Variants in PIGN observed in about 807,000 individuals in gnomAD.
PIGN encodes GPI ethanolamine phosphate transferase 1.
In PIGN, 117 loss-of-function variants were observed where a neutral mutation model predicts 125.4. The ratio of observed to expected loss-of-function variants is 0.93; its 90% CI spans 0.80 to 1.09. The LOEUF (loss-of-function observed/expected upper bound fraction) is 1.09. Among genes scored for constraint, PIGN ranks in the 50% least tolerant of loss-of-function variants. The probability of loss-of-function intolerance (pLI) is 0.00; values close to 1 mark genes in which losing one functional copy is unlikely to be tolerated. For synonymous variants in PIGN, 392 were observed against 377.8 expected, an observed-to-expected ratio of 1.04 and a Z score of -0.44; for missense variants, 1,075 against 1,094.9, an observed-to-expected ratio of 0.98 and a Z score of 0.26.
At chr18:62,058,774 G>T (rs1471519407) in intron 30 of PIGN, 1 of 152,146 alleles carries the variant, frequency 6.6e-6, no homozygotes, top group East Asian at 1.9e-4. Flanking sequence ...TACAAATTAT[G>T]CTAGGTTTAG....
chr18:62,107,138 T>C, intron 17 of PIGN, 53 bp from the exon 18 acceptor site: 1 of 1,111,664 alleles, frequency 9.0e-7, no homozygotes. Flanking sequence ...ATACATAGTA[T>C]AACAATACAA....
chr18:62,052,479 T>C (rs1162894349), intron 30 of PIGN: 1 of 147,270 alleles, frequency 6.8e-6, no homozygotes, highest in Non-Finnish European at 1.5e-5. Context: ...TCTCTTTTGA[T>C]CTTTGTTGGT....
intron 14 of PIGN, among the ~76,000 whole-genome samples, chr18:62,130,607 T>A (rs1366400417): frequency 1.3e-5 from 2 of 152,150 alleles, no homozygotes; most frequent in African/African-American, 4.8e-5. Context: ...TACTATTCAT[T>A]TTTTTAATGG....
At chr18:62,159,712 A>G (rs2036872389) in intron 4 of PIGN, among the ~76,000 whole-genome samples, 1 of 152,186 alleles carries the variant, frequency 6.6e-6, no homozygotes, top group Non-Finnish European at 1.5e-5. Flanking sequence ...CCATTCTTCT[A>G]GCTGTCAACA....
intron 27 of PIGN, among the ~76,000 whole-genome samples, chr18:62,083,084 A>C (rs981466675): frequency 6.6e-6 from 1 of 152,132 alleles, no homozygotes; most frequent in Non-Finnish European, 1.5e-5. Context: ...TGTGAAAAGC[A>C]CAGAATGCCC....
intron 14 of PIGN, among the ~76,000 whole-genome samples, chr18:62,124,054 G>A (rs74355033): frequency 0.067 from 10,134 of 152,122 alleles, 623 homozygotes; most frequent in African/African-American, 0.16. Flanking sequence ...TTTCACAAAG[G>A]TGTTATGACA....
intron 14 of PIGN, among the ~76,000 whole-genome samples, chr18:62,132,008 C>CAA (rs78263022): frequency 4.7e-5 from 7 of 150,470 alleles, no homozygotes; most frequent in East Asian, 1.9e-4. Context: ...TTTCTAAGAA[C>CAA]AAAAAAAAAT....
intron 1 of PIGN, among the ~76,000 whole-genome samples, chr18:62,184,261 G>A (rs1022005947): frequency 2.0e-5 from 3 of 152,002 alleles, no homozygotes; most frequent in East Asian, 1.9e-4. Flanking sequence ...AATGATTGAC[G>A]TGCTTTGAAA....
At chr18:62,082,610 A>G (rs1018038993) in intron 28 of PIGN, 63 bp downstream of exon 28, 8 of 855,386 alleles carry the variant, frequency 9.4e-6, no homozygotes, top group East Asian at 2.7e-5. Flanking sequence ...AATGTCTTCG[A>G]AAGTTTACTC....
downstream of PIGN, among the ~76,000 whole-genome samples, chr18:62,039,687 G>A (rs1409081093): frequency 8.6e-6 from 1 of 116,848 alleles, no homozygotes; most frequent in Admixed American, 8.2e-5. Flanking sequence ...CCCATCCAGG[G>A]TGCCGCACCC....
Position 62,114,631 on chromosome 18 carries a change from G to A in PIGN, c.1181C>T (p.Ser394Phe), listed in dbSNP as rs1483113980. 6.8e-7 allele frequency: 1 copy of A among 1,477,448 alleles called. No individual in the cohort carries two copies. The highest frequency in any genetic ancestry group is 1.2e-5 in the South Asian group (1 of 81,638). The allele number at this position is 1,477,448 out of a possible 1,614,324, so 91.5% of individuals were successfully genotyped here. A position where few individuals can be genotyped will look rare whatever the true frequency, so the allele number is the denominator to read the frequency against. ...PFLFTPFKLL[S>F]DSKQFNILRK... ...TAAAATGTTGAACTGTTTGGAATCA[G>A]AAAGCAGTCTATATATAAAAAAAAG... Residue 394 changes from serine to phenylalanine, a missense_variant, in exon 15 of 31, where the codon TCT becomes TTT. Physicochemically the swap from Ser to Phe is radical, Grantham distance 155. Around this residue, in one of 3 missense-constraint regions of PIGN, gnomAD observed 915 missense variants for 908.7 expected, o/e 1.01. Transcript: ENST00000640252.
chr18:62,144,040 A>G (rs2036231890), intron 10 of PIGN, among the ~76,000 whole-genome samples: 1 of 152,200 alleles, frequency 6.6e-6, no homozygotes, highest in African/African-American at 2.4e-5. Flanking sequence ...TTAAAGTTTA[A>G]AAATACGTTT....
intron 30 of PIGN, among the ~76,000 whole-genome samples, chr18:62,064,920 TAA>T (rs34675492): frequency 1.3e-5 from 2 of 150,200 alleles, no homozygotes. Context: ...TTGACACTTC[TAA>T]AAAAAAAAAC....
chr18:62,091,276 C>G (rs1382908842), intron 23 of PIGN, among the ~76,000 whole-genome samples: 1 of 152,052 alleles, frequency 6.6e-6, no homozygotes, highest in East Asian at 1.9e-4. Flanking sequence ...ACCCGGGAGG[C>G]AGAGGTTGCA....
Position 62,157,768 on chromosome 18 carries a change from T to G in PIGN, c.262A>C (p.Thr88Pro). Residue 88 changes from threonine to proline, a missense_variant, in exon 5 of 31, where the codon ACA (threonine) becomes CCA (proline). Thr to Pro is a conservative substitution (Grantham distance 38, BLOSUM62 -1). Transcript: ENST00000640252. ...MHEGSWGISH[T>P]RVPTESRPGH... Reference sequence around the variant, plus strand: ...GGCCGAGATTCTGTTGGCACACGTGTATGAGATATGCCCCAGCTGCCTTCA... The same window carrying G: ...GGCCGAGATTCTGTTGGCACACGTGGATGAGATATGCCCCAGCTGCCTTCA... The G allele has an allele frequency of 6.2e-7, 1 of 1,612,360 alleles. No homozygotes were observed.
chr18:62,049,026 A>T (rs1382539806), intron 30 of PIGN, among the ~76,000 whole-genome samples: 1 of 152,116 alleles, frequency 6.6e-6, no homozygotes, highest in Non-Finnish European at 1.5e-5. Flanking sequence ...TACAAAGGAC[A>T]TGAACTCATC....
At chr18:62,051,653 C>T (rs2145148647) in intron 30 of PIGN, 1 of 152,256 alleles carries the variant, frequency 6.6e-6, no homozygotes, top group South Asian at 2.1e-4. Context: ...AAAAAACCAG[C>T]TCCTGGATTC....
chr18:62,019,866 C>T (rs1208629921), intron 23 of PIGN, among the ~76,000 whole-genome samples: 2 of 152,212 alleles, frequency 1.3e-5, no homozygotes, highest in Non-Finnish European at 2.9e-5. Context: ...CCTTCATAAC[C>T]CTTTCTGACT....
intron 21 of PIGN, 104 bp downstream of exon 21, chr18:62,102,689 AG>A: frequency 1.8e-6 from 1 of 553,716 alleles, no homozygotes; most frequent in East Asian, 3.3e-5. Flanking sequence ...GCAGATACTA[AG>A]TAGCATAAAG....
Sources: gnomAD v4.1 joint callset for allele counts (sites outside exome capture counted in the v4.1 genomes callset) on GRCh38, gnomAD v4.1.1 for gene constraint, gnomAD v4.1.1 regional missense constraint, MANE v1.5 for transcripts, NCBI Gene and HGNC (gene_info 2026-07-23, HGNC 2026-07-21) for gene names.